The following ARID1B variants were observed in gnomAD, a reference collection of about 807,000 sequenced individuals.
The protein encoded by ARID1B is AT-rich interaction domain 1B.
A neutral mutation model predicts 212.3 loss-of-function variants in ARID1B; 30 were observed. That is an observed-to-expected ratio of 0.14 (90% CI 0.11 to 0.19). ARID1B has a LOEUF of 0.19. ARID1B is among the 10% of genes least tolerant of loss of function. The probability of loss-of-function intolerance (pLI) is 1.00; values close to 1 mark genes in which losing one functional copy is unlikely to be tolerated. For synonymous variants in ARID1B, 1,402 were observed against 1,301.7 expected, an observed-to-expected ratio of 1.08 and a Z score of -1.66; for missense variants, 2,891 against 3,204.0, an observed-to-expected ratio of 0.90 and a Z score of 2.36.
chr6:156,909,109 T>TC (rs1469830171), intron 3 of ARID1B, among the ~76,000 whole-genome samples: 1 of 149,842 alleles, frequency 6.7e-6, no homozygotes, highest in East Asian at 1.9e-4. Flanking sequence ...TCTTTTTTTT[T>TC]CTTTTTTCTT....
intron 1 of ARID1B, among the ~76,000 whole-genome samples, chr6:156,785,049 C>T (rs947825032): frequency 1.3e-5 from 2 of 152,198 alleles, no homozygotes; most frequent in Non-Finnish European, 1.5e-5. Flanking sequence ...TGTGAACCAT[C>T]CTGCCAGGCA....
rs557453022 is a variant in ARID1B at position 156,777,692 on chromosome 6, GGCAGCA to G, written c.15_20del (p.Ala13_Ala14del). On this transcript the variant is annotated inframe_deletion, in exon 1 of 20. Transcript: ENST00000636930. ...ACGCCGCGGCGATCATGGCCGCGCG[GGCAGCA>G]GCGGCGGCGGCGGCGGCGGCGGCGC... 1 of 148,212 alleles carries G rather than the reference GGCAGCA, an allele frequency of 6.7e-6. No individual in the cohort carries two copies. The allele number at this position is 148,212 out of a possible 1,614,324, so 9.2% of individuals were successfully genotyped here.
chr6:157,050,404 C>T (rs1195306247), intron 4 of ARID1B, among the ~76,000 whole-genome samples: 1 of 151,976 alleles, frequency 6.6e-6, no homozygotes, highest in African/African-American at 2.4e-5. Flanking sequence ...ATTAGCCAGG[C>T]GTGGTGGTGC....
intron 9 of ARID1B, chr6:157,169,032 G>T (rs1411964993): frequency 2.0e-5 from 3 of 152,136 alleles, no homozygotes; most frequent in Non-Finnish European, 1.5e-5. Flanking sequence ...CTGTTACTGC[G>T]TTCTGATCTC....
At chr6:156,904,732 T>G (rs1789227145) in intron 3 of ARID1B, among the ~76,000 whole-genome samples, 1 of 152,214 alleles carries the variant, frequency 6.6e-6, no homozygotes, top group Non-Finnish European at 1.5e-5. Flanking sequence ...GATGCCAACA[T>G]GACACCACAA....
At chr6:156,964,835 C>CT (rs1372221806) in intron 4 of ARID1B, among the ~76,000 whole-genome samples, 2 of 152,102 alleles carry the variant, frequency 1.3e-5, no homozygotes, top group Middle Eastern at 3.2e-3. Context: ...AGCCTTGGTT[C>CT]TTTTCTATTT....
rs1793911375 is a variant in ARID1B at position 156,955,666 on chromosome 6, G to C, written c.2247+20090G>C. 3.3e-5 allele frequency among the ~76,000 whole-genome samples: 5 copies of C among 152,156 alleles called. No homozygotes were observed. The highest frequency in any genetic ancestry group is 2.6e-4 in the Admixed American group (4 of 15,278). On this transcript the variant is annotated intron_variant, in intron 4 of 19. Coordinates refer to ENST00000636930, the MANE Select transcript of ARID1B (RefSeq NM_001374828.1). This position sits in a 1 kb window ranked among gnomAD's most constrained non-coding sequence, Gnocchi z 4.2. Reference sequence around the variant, plus strand: ...AGTGATACGCCTCAGCTCCTTCCCTGTGTCCAGGAGGAACAGCCAAGATAA... The same window carrying C: ...AGTGATACGCCTCAGCTCCTTCCCTCTGTCCAGGAGGAACAGCCAAGATAA...
chr6:157,182,617 A>G (rs1792641521), intron 12 of ARID1B, among the ~76,000 whole-genome samples: 1 of 151,966 alleles, frequency 6.6e-6, no homozygotes, highest in Non-Finnish European at 1.5e-5. Flanking sequence ...TCGGGGGAGA[A>G]AGGGGAGGCC....
intron 2 of ARID1B, among the ~76,000 whole-genome samples, chr6:156,859,674 A>T (rs987192759): frequency 7.2e-5 from 11 of 152,222 alleles, no homozygotes; most frequent in African/African-American, 2.7e-4. Flanking sequence ...GTTAACTGGT[A>T]TTAAAGCTTT....
chr6:157,147,217 TCCGTCCCTCACCTCCGACCCTGCCG>T (rs1789802963), intron 7 of ARID1B, among the ~76,000 whole-genome samples: 1 of 392 alleles, frequency 2.6e-3, no homozygotes, highest in Non-Finnish European at 5.5e-3. Context: ...GGCCCTGCCC[TCCGTCCCTCACCTCCGACCCTGCCG>T]TCCGTCCCCC....
At chr6:156,871,223 T>A (rs1258147938) in intron 2 of ARID1B, among the ~76,000 whole-genome samples, 1 of 152,144 alleles carries the variant, frequency 6.6e-6, no homozygotes, top group Non-Finnish European at 1.5e-5. Context: ...AAGTGAGATT[T>A]TTGGAGGGCA....
intron 6 of ARID1B, among the ~76,000 whole-genome samples, chr6:157,118,647 C>T (rs1361944700): frequency 6.6e-6 from 1 of 152,264 alleles, no homozygotes; most frequent in Non-Finnish European, 1.5e-5. Context: ...TGCCTCTGTG[C>T]TAGACTGTGG....
intron 4 of ARID1B, among the ~76,000 whole-genome samples, chr6:156,953,825 G>A (rs1173903669): frequency 6.6e-6 from 1 of 152,164 alleles, no homozygotes; most frequent in Non-Finnish European, 1.5e-5. Context: ...GGTATTTAGC[G>A]TTTAAACACT....
At chr6:156,860,024 A>C (rs1403137829) in intron 2 of ARID1B, among the ~76,000 whole-genome samples, 1 of 152,188 alleles carries the variant, frequency 6.6e-6, no homozygotes, top group Non-Finnish European at 1.5e-5. Flanking sequence ...ATAAACCATG[A>C]AAGTGTTCAG....
chr6:156,913,248 G>A (rs1307159063), intron 3 of ARID1B, among the ~76,000 whole-genome samples: 3 of 134,098 alleles, frequency 2.2e-5, no homozygotes, highest in African/African-American at 8.7e-5. Context: ...ACAGAGTATC[G>A]CCCTGTCACT....
chr6:157,173,893 T>G (rs187866853), intron 9 of ARID1B, 115 bp from the exon 10 acceptor site: 17 of 820,248 alleles, frequency 2.1e-5, no homozygotes, highest in Admixed American at 8.5e-5. Context: ...TTTTCTTTTC[T>G]TCCTTCAAGG....
At chr6:157,054,822 T>C (rs984843045) in intron 4 of ARID1B, among the ~76,000 whole-genome samples, 9 of 152,212 alleles carry the variant, frequency 5.9e-5, no homozygotes. Flanking sequence ...AACACATAAA[T>C]GTCTATTCAC....
intron 4 of ARID1B, among the ~76,000 whole-genome samples, chr6:156,980,509 T>C (rs1583070939): frequency 8.1e-6 from 1 of 123,854 alleles, no homozygotes; most frequent in African/African-American, 2.9e-5. Flanking sequence ...CAAAACAAAA[T>C]AAGAATCATT....
chr6:157,125,713 T>A (rs1788092276), intron 6 of ARID1B, among the ~76,000 whole-genome samples: 1 of 152,216 alleles, frequency 6.6e-6, no homozygotes, highest in Non-Finnish European at 1.5e-5. Flanking sequence ...GACTTTGAGT[T>A]ATTTGTCAGA....
Sources: allele counts gnomAD v4.1 joint callset (sites outside exome capture counted in the v4.1 genomes callset), GRCh38; gene constraint gnomAD v4.1.1; non-coding constraint Gnocchi (gnomAD v3.1); transcripts MANE v1.5; gene names NCBI Gene and HGNC (gene_info 2026-07-23, HGNC 2026-07-21).